TRDN: variants seen among roughly 807,000 people sequenced by gnomAD.
TRDN encodes triadin, also known as triadin in skeletal muscle.
TRDN carries 161 observed loss-of-function variants against 149.7 expected under a neutral mutation model. The observed-to-expected ratio is 1.08, with a 90% CI of 0.95 to 1.23. The LOEUF (loss-of-function observed/expected upper bound fraction) is 1.23, where lower values mean the gene tolerates loss of function less well. TRDN is among the 50% of genes most tolerant of loss of function. The pLI is 0.00. For missense variants in TRDN, 896 were observed against 823.5 expected (o/e 1.09, Z -1.08); for synonymous variants, 294 against 250.5 (o/e 1.17, Z -1.64).
At chr6:123,540,350 G>C (rs1389057349) in intron 4 of TRDN, among the ~76,000 whole-genome samples, 1 of 151,866 alleles carries the variant, frequency 6.6e-6, no homozygotes, top group Non-Finnish European at 1.5e-5. Context: ...TGCTAGGAGA[G>C]AAAAGCCTGC....
At chr6:123,576,779 G>A (rs946689143) in intron 1 of TRDN, among the ~76,000 whole-genome samples, 19 of 151,952 alleles carry the variant, frequency 1.3e-4, no homozygotes, top group African/African-American at 4.4e-4. Context: ...AACAAGGGCT[G>A]GTTCCATTTC....
intron 38 of TRDN, among the ~76,000 whole-genome samples, chr6:123,245,439 C>A (rs1562227631): frequency 6.6e-6 from 1 of 151,860 alleles, no homozygotes; most frequent in Non-Finnish European, 1.5e-5. Flanking sequence ...GCAGGGGTAG[C>A]AAATCCTAGT....
chr6:123,547,303 A>G (rs1781158815), intron 4 of TRDN, 37 bp downstream of exon 4: 12 of 1,309,922 alleles, frequency 9.2e-6, no homozygotes, highest in Non-Finnish European at 1.1e-5. Context: ...TTACCATAAG[A>G]GAAAAATAAT....
At chr6:123,237,450 A>G (rs1392814733) in intron 38 of TRDN, among the ~76,000 whole-genome samples, 1 of 152,046 alleles carries the variant, frequency 6.6e-6, no homozygotes, top group Non-Finnish European at 1.5e-5. Flanking sequence ...GAGTTTCACC[A>G]TCTTGGCCGG....
At chr6:123,436,543 T>C (rs1400443538) in intron 12 of TRDN, among the ~76,000 whole-genome samples, 2 of 152,154 alleles carry the variant, frequency 1.3e-5, no homozygotes, top group Non-Finnish European at 2.9e-5. Flanking sequence ...TGCTGCTTGC[T>C]AATCATAATC....
At chr6:123,633,281 G>A (rs1164901282) in intron 1 of TRDN, among the ~76,000 whole-genome samples, 2 of 151,996 alleles carry the variant, frequency 1.3e-5, no homozygotes, top group Non-Finnish European at 2.9e-5. Flanking sequence ...TCCAGTCTGG[G>A]CCTGATTCAA....
chr6:123,550,671 A>G (rs1057290045), intron 2 of TRDN, among the ~76,000 whole-genome samples: 1 of 152,176 alleles, frequency 6.6e-6, no homozygotes, highest in South Asian at 2.1e-4. Flanking sequence ...GATCTCATAG[A>G]GAGCGGAAAA....
chr6:123,387,267 T>C (rs1781940247), intron 14 of TRDN, among the ~76,000 whole-genome samples: 1 of 152,194 alleles, frequency 6.6e-6, no homozygotes, highest in Non-Finnish European at 1.5e-5. Context: ...TTTCTATTGA[T>C]GCTTATCATT....
chr6:123,533,824 C>T (rs1460172365), intron 4 of TRDN, among the ~76,000 whole-genome samples: 2 of 151,982 alleles, frequency 1.3e-5, no homozygotes, highest in Non-Finnish European at 2.9e-5. Flanking sequence ...AAGGTAAGTA[C>T]TTGCATGTTG....
chr6:123,610,187 T>C (rs571923649), intron 1 of TRDN, among the ~76,000 whole-genome samples: 1 of 152,246 alleles, frequency 6.6e-6, no homozygotes, highest in East Asian at 1.9e-4. Context: ...TAATGATGCC[T>C]CAGTAAATGC....
chr6:123,455,438 GT>G (rs1562322915), intron 10 of TRDN, among the ~76,000 whole-genome samples: 28 of 145,772 alleles, frequency 1.9e-4, no homozygotes, highest in African/African-American at 6.5e-4. Context: ...GTGTGTGTGT[GT>G]CTGTGTGTGT....
At chr6:123,444,695 A>C (rs963592302) in intron 10 of TRDN, among the ~76,000 whole-genome samples, 1 of 152,124 alleles carries the variant, frequency 6.6e-6, no homozygotes, top group Non-Finnish European at 1.5e-5. Context: ...AATACGGCCC[A>C]TCAATACCTA....
At chr6:123,312,919 A>G (rs1360675197) in intron 24 of TRDN, among the ~76,000 whole-genome samples, 1 of 152,008 alleles carries the variant, frequency 6.6e-6, no homozygotes, top group Non-Finnish European at 1.5e-5. Flanking sequence ...GACATATGGT[A>G]GTGACATTAG....
chr6:123,369,772 A>G (rs914874794), intron 19 of TRDN, among the ~76,000 whole-genome samples: 6 of 152,082 alleles, frequency 3.9e-5, no homozygotes, highest in African/African-American at 1.4e-4. Flanking sequence ...GCCCCTTTTT[A>G]GTACCAATCC....
At chr6:123,557,336 G>A (rs1027617351) in intron 2 of TRDN, among the ~76,000 whole-genome samples, 1 of 152,064 alleles carries the variant, frequency 6.6e-6, no homozygotes, top group Non-Finnish European at 1.5e-5. Context: ...TCTTTGCTCT[G>A]TGACAAAGAT....
chr6:123,377,644 C>A (rs1582939299), intron 18 of TRDN, 72 bp downstream of exon 18: 1 of 1,568,774 alleles, frequency 6.4e-7, no homozygotes, highest in Non-Finnish European at 8.7e-7. Context: ...GCCTTACCAC[C>A]TGTTTGAGGC....
chr6:123,346,633 C>T (rs1650390145), intron 21 of TRDN, among the ~76,000 whole-genome samples: 1 of 151,848 alleles, frequency 6.6e-6, no homozygotes, highest in Admixed American at 6.6e-5. Flanking sequence ...ATAAAGAAGT[C>T]CAGGACCCCT....
At chr6:123,577,551 T>C (rs147784996) in intron 1 of TRDN, among the ~76,000 whole-genome samples, 1 of 152,280 alleles carries the variant, frequency 6.6e-6, no homozygotes, top group East Asian at 1.9e-4. Context: ...CCGTCATTGG[T>C]GGGCATTTAG....
At chr6:123,569,642 A>G (rs532905332) in intron 2 of TRDN, among the ~76,000 whole-genome samples, 12 of 152,326 alleles carry the variant, frequency 7.9e-5, no homozygotes, top group African/African-American at 2.9e-4. Flanking sequence ...GGAGGGCTTC[A>G]GGAAGCTTGC....
Sources: allele counts gnomAD v4.1 joint callset (sites outside exome capture counted in the v4.1 genomes callset), GRCh38; gene constraint gnomAD v4.1.1; transcripts MANE v1.5; gene names NCBI Gene and HGNC (gene_info 2026-07-23, HGNC 2026-07-21).